NLGN1: variants seen among roughly 807,000 people sequenced by gnomAD.
NLGN1 encodes the protein neuroligin 1, also known as neuroligin-1.
In NLGN1, 12 loss-of-function variants were observed where a neutral mutation model predicts 65.5. That is an observed-to-expected ratio of 0.18 (90% confidence interval 0.12 to 0.30). The LOEUF (loss-of-function observed/expected upper bound fraction) is 0.30. Among genes scored for constraint, NLGN1 ranks in the 10% least tolerant of loss-of-function variants. The pLI is 1.00. For synonymous variants in NLGN1, 350 were observed against 359.5 expected (o/e 0.97, Z 0.30); for missense variants, 750 against 1,007.1 (o/e 0.74, Z 3.46).
At chr3:173,434,931 T>C (rs944905006) in intron 1 of NLGN1, 1 of 152,630 alleles carries the variant, frequency 6.6e-6, no homozygotes, top group Admixed American at 6.5e-5. Flanking sequence ...TCACCCACCA[T>C]TTGAAAATAC....
At chr3:174,070,085 T>TA (rs1378108893) in intron 4 of NLGN1, among the ~76,000 whole-genome samples, 5 of 152,290 alleles carry the variant, frequency 3.3e-5, no homozygotes, top group Middle Eastern at 3.4e-3. Flanking sequence ...GACGATGTTA[T>TA]AAAATGGCCA....
chr3:174,086,685 ACCCAAAACTAT>A (rs1331142511), intron 4 of NLGN1, among the ~76,000 whole-genome samples: 1 of 151,850 alleles, frequency 6.6e-6, no homozygotes, highest in African/African-American at 2.4e-5. Flanking sequence ...CTCCTATTTC[ACCCAAAACTAT>A]CCCAAAACTT....
At chr3:173,471,779 A>G (rs1226779139) in intron 2 of NLGN1, among the ~76,000 whole-genome samples, 2 of 152,122 alleles carry the variant, frequency 1.3e-5, no homozygotes, top group Non-Finnish European at 2.9e-5. Flanking sequence ...GCTGCTTTCC[A>G]GAACCTAAGT....
chr3:174,264,693 A>G (rs994098018), intron 4 of NLGN1, among the ~76,000 whole-genome samples: 4 of 151,834 alleles, frequency 2.6e-5, no homozygotes, highest in Non-Finnish European at 5.9e-5. Flanking sequence ...CGTCAAAGTC[A>G]TTCTCCGTCC....
chr3:174,087,262 C>G (rs1743602014), intron 4 of NLGN1, among the ~76,000 whole-genome samples: 1 of 152,234 alleles, frequency 6.6e-6, no homozygotes, highest in Non-Finnish European at 1.5e-5. Context: ...GCACAGGTAC[C>G]TTTGAACCTA....
At position 173,480,042 on chromosome 3, in the gene NLGN1, T is replaced by C. The variant is rs532801470; in HGVS notation, c.-321+44964T>C. ...GAGATGGACAATTTTGGGCATATAT[T>C]ATTTAAGACAGTTGAAAAGATACTA... On this transcript the variant is annotated intron_variant, in intron 2 of 6. Coordinates refer to ENST00000457714, the Ensembl canonical transcript of NLGN1. Among the ~76,000 whole-genome samples, 12 of 152,254 alleles carry C rather than the reference T, an allele frequency of 7.9e-5. No homozygotes were observed. In the South Asian group the frequency reaches 2.5e-3, roughly 32 times the overall value.
At chr3:173,997,670 A>G (rs1478250576) in intron 4 of NLGN1, among the ~76,000 whole-genome samples, 2 of 152,162 alleles carry the variant, frequency 1.3e-5, no homozygotes, top group Non-Finnish European at 2.9e-5. Context: ...ACAAAGGCAT[A>G]GTGAGTTTAA....
chr3:173,534,274 C>T (rs1560396940), intron 2 of NLGN1, among the ~76,000 whole-genome samples: 1 of 152,080 alleles, frequency 6.6e-6, no homozygotes, highest in Non-Finnish European at 1.5e-5. Flanking sequence ...AATAAGTGTC[C>T]TCATTAATTT....
At chr3:173,462,375 C>T (rs1299666737) in intron 2 of NLGN1, among the ~76,000 whole-genome samples, 1 of 152,112 alleles carries the variant, frequency 6.6e-6, no homozygotes, top group African/African-American at 2.4e-5. Flanking sequence ...CTCCAAACCA[C>T]TCTTTTCTTC....
At chr3:173,782,248 C>A (rs1229163759) in intron 3 of NLGN1, among the ~76,000 whole-genome samples, 4 of 152,092 alleles carry the variant, frequency 2.6e-5, no homozygotes, top group Admixed American at 2.6e-4. Flanking sequence ...ATACATACAA[C>A]ACCTCACAAC....
chr3:173,783,338 G>A (rs1377887947), intron 3 of NLGN1, among the ~76,000 whole-genome samples: 1 of 152,196 alleles, frequency 6.6e-6, no homozygotes, highest in Non-Finnish European at 1.5e-5. Flanking sequence ...GGAGCATGAG[G>A]TTTTTGTAGC....
At chr3:173,954,651 T>A (rs1027800637) in intron 4 of NLGN1, among the ~76,000 whole-genome samples, 7 of 152,058 alleles carry the variant, frequency 4.6e-5, no homozygotes, top group African/African-American at 1.7e-4. Context: ...ATAAGAGAAG[T>A]AATCACTGAT....
intron 4 of NLGN1, among the ~76,000 whole-genome samples, chr3:174,001,091 C>T (rs1723201102): frequency 6.6e-6 from 1 of 152,148 alleles, no homozygotes; most frequent in African/African-American, 2.4e-5. Flanking sequence ...ACAGAGAATG[C>T]ATCAGCAAAA....
intron 2 of NLGN1, among the ~76,000 whole-genome samples, chr3:173,453,081 A>C (rs1721898819): frequency 6.6e-6 from 1 of 150,982 alleles, no homozygotes; most frequent in African/African-American, 2.4e-5. Flanking sequence ...TAGGGTGGCT[A>C]TGTAATTTCT....
At chr3:173,947,864 T>G (rs1234320730) in intron 4 of NLGN1, among the ~76,000 whole-genome samples, 1 of 152,216 alleles carries the variant, frequency 6.6e-6, no homozygotes, top group Admixed American at 6.5e-5. Flanking sequence ...AAATATCTAG[T>G]CAATTGGAGT....
intron 4 of NLGN1, among the ~76,000 whole-genome samples, chr3:173,974,767 C>G (rs1579514052): frequency 6.6e-6 from 1 of 152,064 alleles, no homozygotes; most frequent in East Asian, 1.9e-4. Flanking sequence ...ACAGCAGGCC[C>G]TATTTTCTGT....
intron 4 of NLGN1, among the ~76,000 whole-genome samples, chr3:173,898,742 T>C (rs1193803726): frequency 7.9e-5 from 12 of 152,168 alleles, no homozygotes. Context: ...GATTGTATGC[T>C]ACTTTGACAA....
chr3:174,022,791 G>A (rs1251137375), intron 4 of NLGN1, among the ~76,000 whole-genome samples: 1 of 152,144 alleles, frequency 6.6e-6, no homozygotes, highest in East Asian at 1.9e-4. Context: ...CTTTGAATCT[G>A]CAGTTACTGA....
Position 173,747,795 on chromosome 3 carries a change from C to CTTCTTTTTTT in NLGN1, c.494-59883_494-59882insCTTTTTTTTT, listed in dbSNP as rs1560289220. On this transcript the variant is annotated intron_variant, in intron 3 of 6. Transcript: ENST00000457714. ...AAACAAAATTTTCTTTCTTCTTCTT[C>CTTCTTTTTTT]TTGTTCTTTTTTTTTTTTTTTTTTT... Among the ~76,000 whole-genome samples, 52 of 78,594 alleles carry CTTCTTTTTTT rather than the reference C, an allele frequency of 6.6e-4. 3 individuals carry two copies. The highest frequency in any genetic ancestry group is 3.2e-3 in the African/African-American group (52 of 16,136). 51.6% of individuals were successfully genotyped at this position (78,594 alleles called of 152,430 possible).
Sources: gnomAD v4.1 joint callset for allele counts (sites outside exome capture counted in the v4.1 genomes callset) on GRCh38, gnomAD v4.1.1 for gene constraint, MANE v1.5 for transcripts, NCBI Gene and HGNC (gene_info 2026-07-23, HGNC 2026-07-21) for gene names.